The following PILRA variants were observed in gnomAD, a reference collection of about 807,000 sequenced individuals.
PILRA encodes the protein paired immunoglobin like type 2 receptor alpha, also known as paired immunoglobulin-like type 2 receptor alpha.
In PILRA, 37 loss-of-function variants were observed where a neutral mutation model predicts 33.1. That is an observed-to-expected ratio of 1.12 (90% CI 0.86 to 1.47). The LOEUF is 1.47. Among genes scored for constraint, PILRA ranks in the 40% most tolerant of loss-of-function variants. The pLI, the probability that PILRA is intolerant of heterozygous loss-of-function variation, is 0.00. For synonymous variants in PILRA, 146 were observed against 149.9 expected, an observed-to-expected ratio of 0.97 and a Z score of 0.19; for missense variants, 312 against 376.2, an observed-to-expected ratio of 0.83 and a Z score of 1.41.
In PILRA at chr7:100,398,008, A is replaced by G. The variant is rs2130244454; in HGVS notation, c.707+96A>G. ...GGAGTGTGCTGCTAAGAACCCCACA[A>G]ACCCAGCCTGCCACGGCCATTGTTG... On this transcript the variant is annotated intron_variant, in intron 4 of 6. Transcript: ENST00000198536. 4 of 1,251,270 alleles carry G rather than the reference A, an allele frequency of 3.2e-6. No homozygotes were observed. In the South Asian group the frequency reaches 4.9e-5, roughly 15 times the overall value. 77.5% of individuals were successfully genotyped at this position (1,251,270 alleles called of 1,614,324 possible).
intron 2 of PILRA, among the ~76,000 whole-genome samples, chr7:100,377,412 T>C (rs1269181739): frequency 6.6e-6 from 1 of 151,868 alleles, no homozygotes; most frequent in East Asian, 1.9e-4. Flanking sequence ...GACTAATTTT[T>C]TTGTATTTTT....
At chr7:100,395,481 CTTTGT>C (rs771798061) in intron 3 of PILRA, among the ~76,000 whole-genome samples, 2 of 152,146 alleles carry the variant, frequency 1.3e-5, no homozygotes, top group Non-Finnish European at 2.9e-5. Context: ...CTTTGCTTTG[CTTTGT>C]TTTACTTTTC....
chr7:100,391,673 C>G (rs543740768), intron 3 of PILRA, among the ~76,000 whole-genome samples: 3 of 152,108 alleles, frequency 2.0e-5, no homozygotes, highest in Non-Finnish European at 4.4e-5. Context: ...GCTGACAGAG[C>G]AAAACCTTAT....
rs1243231535 is a variant in PILRA, at chr7:100,374,070, T to C, written c.91T>C (p.Tyr31His). The part of the protein sequence containing the change: ...PSGSTGSGPS[Y>H]LYGVTQPKHL... ...TGGCTCCACAGGATCTGGTCCAAGC[T>C]ACCTTTATGGGGTCACTCAACCAAA... Residue 31 changes from tyrosine to histidine, a missense_variant, in exon 2 of 7, where the codon TAC becomes CAC. Physicochemically the swap from Tyr to His is moderately conservative, Grantham distance 83. Transcript: ENST00000198536. 1 of 1,614,084 alleles carries C rather than the reference T, an allele frequency of 6.2e-7. No individual in the cohort carries two copies. Among genetic ancestry groups the C allele is most frequent in the Non-Finnish European group, 8.5e-7 (1 of 1,179,970 alleles).
At chr7:100,395,221 T>C (rs1791470973) in intron 3 of PILRA, among the ~76,000 whole-genome samples, 1 of 152,194 alleles carries the variant, frequency 6.6e-6, no homozygotes, top group Non-Finnish European at 1.5e-5. Flanking sequence ...AAATCATGTA[T>C]TGGAAACTTA....
At chr7:100,387,794 G>T (rs1403442584) in intron 2 of PILRA, among the ~76,000 whole-genome samples, 1 of 152,166 alleles carries the variant, frequency 6.6e-6, no homozygotes, top group Non-Finnish European at 1.5e-5. Context: ...GGCTTTTGTT[G>T]TCATTAGGTT....
chr7:100,374,331 C>G lies in PILRA; in HGVS notation c.352C>G (p.Gln118Glu), dbSNP rs1268977733. The change falls in exon 2 of 7, where the codon CAG (glutamine) becomes GAG (glutamate). Residue 118 changes from glutamine to glutamate, a missense_variant. By Grantham distance (29) the Gln-to-Glu change is conservative. Coordinates refer to ENST00000198536, the MANE Select transcript of PILRA (RefSeq NM_013439.3). ...CCTCAGGATCTCCAACCTGCAGAAG[C>G]AGGACCAGTCTGTGTATTTCTGCCG... ...GFLRISNLQK[Q>E]DQSVYFCRVE... 4.3e-6 allele frequency: 7 copies of G among 1,613,984 alleles called. No individual in the cohort carries two copies. Among genetic ancestry groups the G allele is most frequent in the Non-Finnish European group, 5.9e-6 (7 of 1,180,012 alleles).
chr7:100,386,474 G>A (rs1490158472), intron 2 of PILRA, among the ~76,000 whole-genome samples: 1 of 151,708 alleles, frequency 6.6e-6, no homozygotes, highest in African/African-American at 2.4e-5. Flanking sequence ...ACTGCACTTT[G>A]TTGTTGTTGA....
intron 2 of PILRA, among the ~76,000 whole-genome samples, chr7:100,384,936 A>C (rs1216530903): frequency 6.6e-6 from 1 of 152,176 alleles, no homozygotes; most frequent in Non-Finnish European, 1.5e-5. Flanking sequence ...GCTAAGTAAG[A>C]GTGAGGCAGG....
chr7:100,381,671 C>G (rs1420421797), intron 2 of PILRA, among the ~76,000 whole-genome samples: 1 of 152,244 alleles, frequency 6.6e-6, no homozygotes, highest in Non-Finnish European at 1.5e-5. Context: ...AGTGGGAGCC[C>G]CTTCCTGGGA....
At chr7:100,389,756 C>A (rs1791340539) in intron 2 of PILRA, 132 bp from the exon 3 acceptor site, 3 of 713,314 alleles carry the variant, frequency 4.2e-6, no homozygotes. Context: ...GTTCCCCGCT[C>A]CCTGTGTGGG....
At chr7:100,382,007 A>ACCCCCTCC (rs1563117657) in intron 2 of PILRA, among the ~76,000 whole-genome samples, 1 of 101,282 alleles carries the variant, frequency 9.9e-6, no homozygotes, top group African/African-American at 3.7e-5. Flanking sequence ...CCCCACCCCC[A>ACCCCCTCC]CCCCCACCCC....
intron 2 of PILRA, among the ~76,000 whole-genome samples, chr7:100,384,752 C>T (rs1165184624): frequency 6.6e-6 from 1 of 152,084 alleles, no homozygotes; most frequent in Non-Finnish European, 1.5e-5. Flanking sequence ...TGCACTATTG[C>T]GTTCCAGCTT....
intron 2 of PILRA, among the ~76,000 whole-genome samples, chr7:100,379,438 A>T (rs1156567632): frequency 6.6e-6 from 1 of 151,936 alleles, no homozygotes; most frequent in Non-Finnish European, 1.5e-5. Flanking sequence ...GAGGCCGAGG[A>T]GGGTAGATCT....
At chr7:100,397,810 G>A in intron 3 of PILRA, 69 bp from the exon 4 acceptor site, 1 of 1,515,570 alleles carries the variant, frequency 6.6e-7, no homozygotes. Flanking sequence ...CTAGGGCGCA[G>A]CAGAGAAGGT....
chr7:100,373,584 G>T lies in PILRA; in HGVS notation c.-73G>T, dbSNP rs1353646474. 1 of 1,562,672 alleles carries T rather than the reference G, an allele frequency of 6.4e-7. No homozygotes were observed. The highest frequency in any genetic ancestry group is 1.7e-5 in the Admixed American group (1 of 59,888). On this transcript the variant is annotated 5_prime_UTR_variant, in exon 1 of 7. Transcript: ENST00000198536. ...CCTCACTCACCTCAACCCCCAGGCG[G>T]CCCCTCCACAGGGCCCCTCTCCTGC...
At chr7:100,377,401 C>T (rs1027076712) in intron 2 of PILRA, among the ~76,000 whole-genome samples, 7 of 151,466 alleles carry the variant, frequency 4.6e-5, no homozygotes, top group Admixed American at 3.3e-4. Flanking sequence ...CCACCGTGCC[C>T]GACTAATTTT....
chr7:100,388,744 C>T (rs1316959260), intron 2 of PILRA, among the ~76,000 whole-genome samples: 3 of 110,984 alleles, frequency 2.7e-5, no homozygotes, highest in Admixed American at 1.1e-4. Context: ...AGCGAGCCTC[C>T]GTCTCAAAAA....
At chr7:100,383,872 G>A (rs1256383362) in intron 2 of PILRA, among the ~76,000 whole-genome samples, 1 of 152,102 alleles carries the variant, frequency 6.6e-6, no homozygotes, top group African/African-American at 2.4e-5. Context: ...GTTGACTTCA[G>A]GTGATCCGCC....
Sources: gnomAD v4.1 joint callset for allele counts (sites outside exome capture counted in the v4.1 genomes callset) on GRCh38, gnomAD v4.1.1 for gene constraint, MANE v1.5 for transcripts, NCBI Gene and HGNC (gene_info 2026-07-23, HGNC 2026-07-21) for gene names.